The following FBXO42 variants were observed in gnomAD, a reference collection of about 807,000 sequenced individuals.
The protein encoded by FBXO42 is F-box protein 42, also known as F-box only protein 42.
In FBXO42, 12 loss-of-function variants were observed where a neutral mutation model predicts 71.7. The ratio of observed to expected loss-of-function variants is 0.17; its 90% CI spans 0.11 to 0.27. The LOEUF (loss-of-function observed/expected upper bound fraction) is 0.27. FBXO42 is among the 10% of genes least tolerant of loss of function. The pLI, the probability that FBXO42 is intolerant of heterozygous loss-of-function variation, is 1.00. For missense variants in FBXO42, 707 were observed against 911.9 expected, an observed-to-expected ratio of 0.78 and a Z score of 2.89; for synonymous variants, 325 against 327.5, an observed-to-expected ratio of 0.99 and a Z score of 0.08.
intron 5 of FBXO42, 40 bp from the exon 6 acceptor site, chr1:16,255,861 C>T: frequency 7.1e-7 from 1 of 1,418,098 alleles, no homozygotes; most frequent in Non-Finnish European, 9.8e-7. Flanking sequence ...AAGTCAGCAC[C>T]ACACACTTTA....
At chr1:16,344,819 C>A (rs1214509086) in intron 1 of FBXO42, among the ~76,000 whole-genome samples, 3 of 152,008 alleles carry the variant, frequency 2.0e-5, no homozygotes, top group Non-Finnish European at 4.4e-5. Context: ...ATTTTCTGGG[C>A]CGGGCGTGGT....
In FBXO42 at chr1:16,251,745, C is replaced by T; in HGVS notation, c.1079G>A (p.Gly360Glu). 1.2e-6 allele frequency: 2 copies of T among 1,614,078 alleles called. No homozygotes were observed. The highest frequency in any genetic ancestry group is 1.7e-6 in the Non-Finnish European group (2 of 1,180,010). The change falls in exon 10 of 10, where the codon GGG becomes GAG. Residue 360 changes from glycine (G) to glutamate (E), a missense_variant. Around this residue, in one of 5 missense-constraint regions of FBXO42, gnomAD observed 482 missense variants for 587.1 expected, o/e 0.82. Transcript: ENST00000375592. This position sits in a 1 kb window ranked among gnomAD's most constrained non-coding sequence, Gnocchi z 4.5. Reference protein sequence around the residue: ...CVVVFSQAPSGRAPLSPSLNS... With the variant: ...CVVVFSQAPSERAPLSPSLNS... ...CAAACTGGGGCTGAGTGGGGCTCTC[C>T]CACTAGGAGCCTGGCTGAAGACCAC...
chr1:16,283,020 A>G (rs1003289273), intron 4 of FBXO42, among the ~76,000 whole-genome samples: 33 of 151,710 alleles, frequency 2.2e-4, no homozygotes, highest in Non-Finnish European at 3.4e-4. Flanking sequence ...TCTTATCCCC[A>G]ACTCCTGAGA....
chr1:16,337,549 T>C (rs1352643845), intron 1 of FBXO42, among the ~76,000 whole-genome samples: 1 of 152,144 alleles, frequency 6.6e-6, no homozygotes, highest in African/African-American at 2.4e-5. Flanking sequence ...AGAGATACTA[T>C]AAATTGTCAT....
At chr1:16,264,798 C>G (rs1222083416) in intron 4 of FBXO42, among the ~76,000 whole-genome samples, 1 of 152,178 alleles carries the variant, frequency 6.6e-6, no homozygotes, top group African/African-American at 2.4e-5. Context: ...ACTAACATTC[C>G]CTAAAACTGC....
chr1:16,337,878 C>T (rs113822897), intron 1 of FBXO42, among the ~76,000 whole-genome samples: 19,426 of 59,912 alleles, frequency 0.32, 1,989 homozygotes, highest in East Asian at 0.5. Flanking sequence ...AGCGAGACTC[C>T]GTCTCAAAAA....
chr1:16,309,022 C>A (rs535898541), intron 2 of FBXO42, among the ~76,000 whole-genome samples: 1 of 126,568 alleles, frequency 7.9e-6, no homozygotes, highest in Non-Finnish European at 1.6e-5. Flanking sequence ...GGATTACAGG[C>A]GTGAGCCACC....
At chr1:16,274,714 C>G (rs148425971) in intron 4 of FBXO42, among the ~76,000 whole-genome samples, 1 of 150,580 alleles carries the variant, frequency 6.6e-6, no homozygotes, top group Non-Finnish European at 1.5e-5. Flanking sequence ...GCCTCAGCCT[C>G]GCAAGTAGCT....
chr1:16,301,085 G>A (rs60791287), intron 3 of FBXO42, among the ~76,000 whole-genome samples: 1 of 151,860 alleles, frequency 6.6e-6, no homozygotes, highest in African/African-American at 2.4e-5. Flanking sequence ...GTTTAGTGGA[G>A]ATAGGGTTTC....
chr1:16,309,057 CTTTTTTTTTT>C lies in FBXO42; in HGVS notation c.251-3148_251-3139del, dbSNP rs58594138. Among the ~76,000 whole-genome samples, 7 of 38,748 alleles carry C rather than the reference CTTTTTTTTTT, an allele frequency of 1.8e-4. No homozygotes were observed. In the South Asian group the frequency reaches 4.5e-3, roughly 25 times the overall value. The allele number at this position is 38,748 out of a possible 152,430, so 25.4% of individuals were successfully genotyped here. A position where few individuals can be genotyped will look rare whatever the true frequency, so the allele number is the denominator to read the frequency against. ...CATGCCAGGCCGGGAGACCCCATCT[CTTTTTTTTTT>C]TTTTTTTTTTTTTTTTTTGAGACAG... On this transcript the variant is annotated intron_variant, in intron 2 of 9. Transcript: ENST00000375592.
Position 16,255,765 on chromosome 1 carries a change from C to T in FBXO42, c.713G>A (p.Cys238Tyr). ...GPPPMAGHSS[C>Y]VIDDKMIVFG... The stretch of plus-strand genomic sequence containing the variant: ...GACAATCATTTTATCATCTATCACA[C>T]AGGAGGAGTGGCCAGCCATGGGAGG... Residue 238 changes from cysteine (C) to tyrosine (Y), a missense_variant, in exon 6 of 10, where the codon TGT (cysteine) becomes TAT (tyrosine). Transcript: ENST00000375592. The T allele has an allele frequency of 6.2e-7, 1 of 1,614,152 alleles. No homozygotes were observed. The highest frequency in any genetic ancestry group is 2.2e-5 in the East Asian group (1 of 44,880).
intron 4 of FBXO42, among the ~76,000 whole-genome samples, chr1:16,286,050 A>AT (rs112315896): frequency 0.02 from 2,929 of 149,944 alleles, 78 homozygotes; most frequent in African/African-American, 0.068. Flanking sequence ...CGCCCAGCTA[A>AT]TTTTTTTTTT....
At chr1:16,351,556 A>C (rs1289865958) in intron 1 of FBXO42, among the ~76,000 whole-genome samples, 1 of 152,034 alleles carries the variant, frequency 6.6e-6, no homozygotes, top group East Asian at 1.9e-4. Flanking sequence ...TTTCAAACGA[A>C]CTCAGCGCTG....
chr1:16,315,959 T>G (rs563134011), intron 1 of FBXO42, among the ~76,000 whole-genome samples: 16 of 151,790 alleles, frequency 1.1e-4, no homozygotes, highest in Admixed American at 5.2e-4. Flanking sequence ...TCACCTGAAG[T>G]TGGGAGTTTG....
chr1:16,285,385 T>C (rs2082010798), intron 4 of FBXO42, among the ~76,000 whole-genome samples: 1 of 151,748 alleles, frequency 6.6e-6, no homozygotes, highest in African/African-American at 2.4e-5. Context: ...GTGATTCTCC[T>C]GCCTCAGCCT....
rs1335342629 is a variant in FBXO42 at position 16,282,528 on chromosome 1, T to C, written c.502+12255A>G. Among the ~76,000 whole-genome samples, 3 of 98,742 alleles carry C rather than the reference T, an allele frequency of 3.0e-5. No individual in the cohort carries two copies. The East Asian group carries it at 1.5e-3, about 49-fold the overall frequency. 64.8% of individuals were successfully genotyped at this position (98,742 alleles called of 152,430 possible). On this transcript the variant is annotated intron_variant, in intron 4 of 9. Coordinates refer to ENST00000375592, the MANE Select transcript of FBXO42 (RefSeq NM_018994.3). Reference sequence around the variant, plus strand: ...GGTGTGAGCCACTGTGCCCGGCCATTTTCTCTTTTAAAAAAAAAAAAAATG... The same window carrying C: ...GGTGTGAGCCACTGTGCCCGGCCATCTTCTCTTTTAAAAAAAAAAAAAATG...
intron 4 of FBXO42, among the ~76,000 whole-genome samples, chr1:16,264,998 C>T (rs1222942204): frequency 6.6e-6 from 1 of 152,180 alleles, no homozygotes; most frequent in Non-Finnish European, 1.5e-5. Flanking sequence ...ACACAGAACC[C>T]AGGACTACAT....
At chr1:16,274,784 G>A (rs1011184858) in intron 4 of FBXO42, among the ~76,000 whole-genome samples, 13 of 151,316 alleles carry the variant, frequency 8.6e-5, no homozygotes, top group Non-Finnish European at 1.6e-4. Context: ...TAGAGACAGG[G>A]TTTCATCACG....
At chr1:16,268,179 T>C (rs1557575633) in intron 4 of FBXO42, among the ~76,000 whole-genome samples, 1 of 152,128 alleles carries the variant, frequency 6.6e-6, no homozygotes, top group East Asian at 1.9e-4. Flanking sequence ...GTGAAAACAA[T>C]GTTACCAGTC....
Sources: allele counts gnomAD v4.1 joint callset (sites outside exome capture counted in the v4.1 genomes callset), GRCh38; gene constraint gnomAD v4.1.1; regional missense constraint gnomAD v4.1.1; non-coding constraint Gnocchi (gnomAD v3.1); transcripts MANE v1.5; gene names NCBI Gene and HGNC (gene_info 2026-07-23, HGNC 2026-07-21).